The following NAALADL2 variants were observed in gnomAD, a reference collection of about 807,000 sequenced individuals.
NAALADL2 encodes N-acetylated alpha-linked acidic dipeptidase like 2.
A neutral mutation model predicts 87.2 loss-of-function variants in NAALADL2; 76 were observed. That is an observed-to-expected ratio of 0.87 (90% CI 0.72 to 1.05). The LOEUF is 1.05. NAALADL2 is among the 50% of genes least tolerant of loss of function. NAALADL2 has a pLI of 0.00. For missense variants in NAALADL2, 1,089 were observed against 945.8 expected (o/e 1.15, Z -1.99); for synonymous variants, 354 against 331.0 (o/e 1.07, Z -0.75).
At chr3:174,895,535 A>G (rs1293791968) in intron 1 of NAALADL2, among the ~76,000 whole-genome samples, 1 of 152,172 alleles carries the variant, frequency 6.6e-6, no homozygotes, top group Non-Finnish European at 1.5e-5. Flanking sequence ...TAGCCATAAT[A>G]CAAATTCTTC....
At position 175,044,559 on chromosome 3, in the gene NAALADL2, T is replaced by G. The variant is rs1754451680; in HGVS notation, c.44-52231T>G. Among the ~76,000 whole-genome samples, 2 of 152,156 alleles carry G rather than the reference T, an allele frequency of 1.3e-5. 1 individual carries two copies. Among genetic ancestry groups the G allele is most frequent in the South Asian group, 4.1e-4 (2 of 4,830 alleles). On this transcript the variant is annotated intron_variant, in intron 1 of 13. Transcript: ENST00000454872. ...GTTTTGAGCTGCCACATAAAACAAT[T>G]AAAACATTCATGTTCATACATATAA...
intron 2 of NAALADL2, among the ~76,000 whole-genome samples, chr3:175,233,607 A>G (rs1171083586): frequency 2.0e-5 from 3 of 151,842 alleles, no homozygotes; most frequent in Non-Finnish European, 4.4e-5. Flanking sequence ...ACATCAGGCT[A>G]ATTTATTTTT....
At chr3:174,773,676 G>T (rs749185221) in intron 3 of NAALADL2, among the ~76,000 whole-genome samples, 1 of 152,128 alleles carries the variant, frequency 6.6e-6, no homozygotes, top group Non-Finnish European at 1.5e-5. Context: ...GAAACTAGCG[G>T]TAAGTGGGCA....
chr3:174,826,606 C>G (rs977420233), intron 3 of NAALADL2, among the ~76,000 whole-genome samples: 7 of 152,208 alleles, frequency 4.6e-5, no homozygotes, highest in Admixed American at 6.5e-5. Context: ...CCCATTCCAT[C>G]TCTTAGGACC....
chr3:175,236,689 G>A (rs1420314408), intron 3 of NAALADL2, among the ~76,000 whole-genome samples: 1 of 152,168 alleles, frequency 6.6e-6, no homozygotes, highest in African/African-American at 2.4e-5. Context: ...AAGTCAGGGA[G>A]AAGGTCATTT....
At chr3:174,522,663 A>G (rs921357791) in intron 1 of NAALADL2, among the ~76,000 whole-genome samples, 1 of 151,926 alleles carries the variant, frequency 6.6e-6, no homozygotes, top group African/African-American at 2.4e-5. Flanking sequence ...GGCCGGGTGC[A>G]GTGGCTCACA....
At chr3:175,630,100 C>T (rs919088945) in intron 11 of NAALADL2, among the ~76,000 whole-genome samples, 1 of 151,690 alleles carries the variant, frequency 6.6e-6, no homozygotes, top group Non-Finnish European at 1.5e-5. Flanking sequence ...TACTTGCACT[C>T]ATGTTGGAAG....
intron 9 of NAALADL2, among the ~76,000 whole-genome samples, chr3:175,552,126 A>C (rs771578794): frequency 2.6e-5 from 4 of 151,698 alleles, no homozygotes; most frequent in Non-Finnish European, 4.4e-5. Flanking sequence ...CATATTGTGT[A>C]TTATATGTAC....
At chr3:175,399,821 T>G (rs184077927) in intron 5 of NAALADL2, among the ~76,000 whole-genome samples, 22 of 152,260 alleles carry the variant, frequency 1.4e-4, no homozygotes, top group African/African-American at 5.3e-4. Context: ...CTGTTGAAGA[T>G]GCAGTTGCTC....
intron 2 of NAALADL2, among the ~76,000 whole-genome samples, chr3:174,689,976 A>C (rs1457496998): frequency 2.0e-5 from 3 of 152,114 alleles, no homozygotes; most frequent in Admixed American, 2.0e-4. Flanking sequence ...CTTCTAAAAA[A>C]AAAAAGGTCC....
chr3:175,153,550 T>C (rs1335365241), intron 2 of NAALADL2, among the ~76,000 whole-genome samples: 1 of 152,192 alleles, frequency 6.6e-6, no homozygotes, highest in Non-Finnish European at 1.5e-5. Context: ...CTGATCTAAC[T>C]TTTCCCACAT....
intron 2 of NAALADL2, among the ~76,000 whole-genome samples, chr3:174,615,222 T>G (rs1720337971): frequency 2.0e-5 from 3 of 152,210 alleles, no homozygotes. Context: ...CTTTAAAGAT[T>G]GACATGTTTA....
At chr3:175,309,493 C>T (rs563367217) in intron 4 of NAALADL2, among the ~76,000 whole-genome samples, 2 of 151,944 alleles carry the variant, frequency 1.3e-5, no homozygotes, top group Non-Finnish European at 2.9e-5. Context: ...GCCCATTATC[C>T]TATTTTTAAA....
chr3:175,284,314 C>G (rs560025753), intron 4 of NAALADL2, among the ~76,000 whole-genome samples: 4 of 151,444 alleles, frequency 2.6e-5, no homozygotes, highest in Non-Finnish European at 5.9e-5. Flanking sequence ...TTGATACTGA[C>G]AAAAGATGCT....
At chr3:175,243,113 C>G (rs1415416040) in intron 3 of NAALADL2, among the ~76,000 whole-genome samples, 1 of 140,196 alleles carries the variant, frequency 7.1e-6, no homozygotes, top group Non-Finnish European at 1.5e-5. Context: ...ACACACTATA[C>G]TCAATTTTCT....
At chr3:175,786,589 T>C (rs564833141) in intron 13 of NAALADL2, among the ~76,000 whole-genome samples, 1 of 152,266 alleles carries the variant, frequency 6.6e-6, no homozygotes, top group East Asian at 1.9e-4. Flanking sequence ...GTTATTCTAG[T>C]TATACATTCT....
At chr3:175,249,655 G>T (rs1748649317) in intron 3 of NAALADL2, among the ~76,000 whole-genome samples, 1 of 151,902 alleles carries the variant, frequency 6.6e-6, no homozygotes, top group Admixed American at 6.6e-5. Context: ...AAGTAGTTTT[G>T]TTCCTCCCAG....
At position 175,132,795 on chromosome 3, in the gene NAALADL2, C is replaced by T. The variant is rs552308370; in HGVS notation, c.545+35504C>T. 7.9e-5 allele frequency among the ~76,000 whole-genome samples: 12 copies of T among 151,826 alleles called. No homozygotes were observed. The East Asian group carries it at 2.4e-3, about 30-fold the overall frequency. ...CTCTCCTGGCGGGGGCTGACCCCCA[C>T]CTCCCTCCCGGACGGGATGGCTGCC... On this transcript the variant is annotated intron_variant, in intron 2 of 13. Coordinates refer to ENST00000454872, the MANE Select transcript of NAALADL2 (RefSeq NM_207015.3).
chr3:174,732,451 A>G (rs1294267408), intron 2 of NAALADL2, among the ~76,000 whole-genome samples: 1 of 152,144 alleles, frequency 6.6e-6, no homozygotes, highest in African/African-American at 2.4e-5. Flanking sequence ...AAAGGATTGT[A>G]GAAATCTATG....
Sources: gnomAD v4.1 joint callset for allele counts (sites outside exome capture counted in the v4.1 genomes callset) on GRCh38, gnomAD v4.1.1 for gene constraint, MANE v1.5 for transcripts, NCBI Gene and HGNC (gene_info 2026-07-23, HGNC 2026-07-21) for gene names.